The following MAF variants were observed in gnomAD, a reference collection of about 807,000 sequenced individuals.
The protein encoded by MAF is MAF bZIP transcription factor, also known as transcription factor Maf.
In MAF, 10 loss-of-function variants were observed where a neutral mutation model predicts 22.0. The observed-to-expected ratio is 0.45, with a 90% confidence interval of 0.28 to 0.77. MAF has a LOEUF of 0.77. Ranked by LOEUF, MAF falls within the 30% of genes least tolerant of loss-of-function variation. MAF has a pLI of 0.12. For missense variants in MAF, 544 were observed against 548.4 expected, an observed-to-expected ratio of 0.99 and a Z score of 0.08; for synonymous variants, 337 against 255.8, an observed-to-expected ratio of 1.32 and a Z score of -3.03.
the MAF span, among the ~76,000 whole-genome samples, chr16:79,343,389 C>T: frequency 0.062 from 9,364 of 152,154 alleles, 532 homozygotes; most frequent in African/African-American, 0.15. Context: ...AAAGATGCAA[C>T]GAGCATATTT....
the MAF span, among the ~76,000 whole-genome samples, chr16:79,379,732 T>G: frequency 2.0e-5 from 3 of 152,092 alleles, no homozygotes; most frequent in African/African-American, 7.2e-5. Context: ...GGGAGGGTGA[T>G]GCAAGGAAGG....
chr16:79,426,141 G>A, the MAF span, among the ~76,000 whole-genome samples: 1 of 152,006 alleles, frequency 6.6e-6, no homozygotes, highest in African/African-American at 2.4e-5. Context: ...GGAAGGTGGA[G>A]GTTATAGGGA....
chr16:79,249,869 A>C, the MAF span, among the ~76,000 whole-genome samples: 1,201 of 152,110 alleles, frequency 7.9e-3, 10 homozygotes, highest in African/African-American at 0.028. Context: ...TTGAGTCTGT[A>C]ACATAATGGT....
At chr16:79,389,514 T>C in the MAF span, among the ~76,000 whole-genome samples, 132,498 of 152,210 alleles carry the variant, frequency 0.87, 57,742 homozygotes, top group Admixed American at 0.88. Context: ...CACCTGCCTC[T>C]GCCTCCCAAA....
the MAF span, among the ~76,000 whole-genome samples, chr16:79,488,776 T>C: frequency 0.8 from 122,069 of 152,130 alleles, 49,010 homozygotes; most frequent in Middle Eastern, 0.88. Flanking sequence ...AGCAGCTTTC[T>C]TACCTCTCGT....
chr16:79,309,480 G>T, the MAF span, among the ~76,000 whole-genome samples: 2 of 152,290 alleles, frequency 1.3e-5, no homozygotes, highest in African/African-American at 2.4e-5. Context: ...ATTCAAGTTG[G>T]TTTTTATATG....
At chr16:79,394,235 C>CT in the MAF span, among the ~76,000 whole-genome samples, 10 of 152,204 alleles carry the variant, frequency 6.6e-5, no homozygotes, top group Admixed American at 4.6e-4. Context: ...TAAATTCAGT[C>CT]TGGGGCAGAA....
the MAF span, among the ~76,000 whole-genome samples, chr16:79,266,576 A>G: frequency 5.3e-5 from 8 of 152,226 alleles, no homozygotes; most frequent in Non-Finnish European, 1.2e-4. Context: ...AGCCATATGC[A>G]TGATATCAAG....
chr16:79,545,640 T>C, the MAF span, among the ~76,000 whole-genome samples: 1 of 152,188 alleles, frequency 6.6e-6, no homozygotes, highest in Non-Finnish European at 1.5e-5. Flanking sequence ...TTTTTTGGTC[T>C]ATCTTTGATC....
At chr16:79,480,819 T>C in the MAF span, among the ~76,000 whole-genome samples, 1 of 152,292 alleles carries the variant, frequency 6.6e-6, no homozygotes, top group African/African-American at 2.4e-5. Flanking sequence ...TCCCTTCCTC[T>C]GGGAAAACAG....
chr16:79,507,433 T>A, the MAF span, among the ~76,000 whole-genome samples: 8 of 149,262 alleles, frequency 5.4e-5, no homozygotes, highest in East Asian at 1.6e-3. Flanking sequence ...CTTACTTTTT[T>A]ATTTTTTTTG....
At chr16:79,508,669 A>G in the MAF span, among the ~76,000 whole-genome samples, 3 of 152,230 alleles carry the variant, frequency 2.0e-5, no homozygotes, top group African/African-American at 7.2e-5. Context: ...AGTAAATTAC[A>G]TATAGCACAG....
At chr16:79,583,030 G>A (rs1298295979), downstream of MAF, among the ~76,000 whole-genome samples, 2 of 152,108 alleles carry the variant, frequency 1.3e-5, no homozygotes, top group Non-Finnish European at 1.5e-5. Context: ...ATGTTGATGG[G>A]TTCTGCAAGG....
the MAF span, among the ~76,000 whole-genome samples, chr16:79,314,120 C>T: frequency 3.3e-5 from 5 of 152,140 alleles, no homozygotes; most frequent in East Asian, 1.9e-4. Flanking sequence ...ATGTGATTTC[C>T]GTGTGGCCCT....
chr16:79,405,084 T>G, the MAF span, among the ~76,000 whole-genome samples: 1 of 152,176 alleles, frequency 6.6e-6, no homozygotes, highest in East Asian at 1.9e-4. Context: ...GGTGACACTT[T>G]GGACTCAATG....
chr16:79,578,887 T>C, the MAF span, among the ~76,000 whole-genome samples: 4 of 151,910 alleles, frequency 2.6e-5, no homozygotes, highest in African/African-American at 4.8e-5. Context: ...AAGCAGAAAA[T>C]AGACAGCAAG....
the MAF span, among the ~76,000 whole-genome samples, chr16:79,288,605 G>A: frequency 6.6e-6 from 1 of 152,214 alleles, no homozygotes; most frequent in Admixed American, 6.5e-5. Flanking sequence ...TAAGTTTTGG[G>A]AAGGTGTTGT....
chr16:79,400,751 C>A, the MAF span, among the ~76,000 whole-genome samples: 16 of 152,374 alleles, frequency 1.1e-4, no homozygotes, highest in East Asian at 2.3e-3. Context: ...GAGGCAGGAG[C>A]CAGGACTCCT....
chr16:79,420,003 G>GT, the MAF span, among the ~76,000 whole-genome samples: 9 of 124,140 alleles, frequency 7.2e-5, no homozygotes, highest in African/African-American at 1.3e-4. Flanking sequence ...GGTAACACAC[G>GT]GTTTTTTTTT....
Sources: gnomAD v4.1 joint callset for allele counts (sites outside exome capture counted in the v4.1 genomes callset) on GRCh38, gnomAD v4.1.1 for gene constraint, MANE v1.5 for transcripts, NCBI Gene and HGNC (gene_info 2026-07-23, HGNC 2026-07-21) for gene names.